The following BOP1 variants were observed in gnomAD, a reference collection of about 807,000 sequenced individuals.
BOP1 encodes ribosome biogenesis protein BOP1.
BOP1 carries 54 observed loss-of-function variants against 82.9 expected under a neutral mutation model. The observed-to-expected ratio is 0.65, with a 90% CI of 0.52 to 0.82. The LOEUF is 0.82. BOP1 is among the 40% of genes least tolerant of loss of function. The pLI, the probability that BOP1 is intolerant of heterozygous loss-of-function variation, is 0.00. For missense variants in BOP1, 1,170 were observed against 1,072.0 expected (o/e 1.09, Z -1.28); for synonymous variants, 566 against 451.1 (o/e 1.25, Z -3.23).
At chr8:144,269,668 G>A (rs1845460138) in intron 3 of BOP1, among the ~76,000 whole-genome samples, 1 of 152,286 alleles carries the variant, frequency 6.6e-6, no homozygotes, top group South Asian at 2.1e-4. Flanking sequence ...AATCCTGCAG[G>A]AGCCCACAGC....
In BOP1 at chr8:144,284,900, A is replaced by T. The variant is rs567253578; in HGVS notation, c.309+4195T>A. Among the ~76,000 whole-genome samples, 20 of 152,328 alleles carry T rather than the reference A, an allele frequency of 1.3e-4. No homozygotes were observed. In the South Asian group the frequency reaches 3.9e-3, roughly 30 times the overall value. On this transcript the variant is annotated intron_variant, in intron 2 of 15. Coordinates refer to ENST00000569669, the MANE Select transcript of BOP1 (RefSeq NM_015201.5). Reference sequence around the variant, plus strand: ...ACGCCCACCCTGGGTCCACCCAGGCAGGTCCGGAGCCCTTGGCAGGTCGCC... The same window carrying T: ...ACGCCCACCCTGGGTCCACCCAGGCTGGTCCGGAGCCCTTGGCAGGTCGCC...
At chr8:144,281,204 T>C (rs1223832951) in intron 2 of BOP1, among the ~76,000 whole-genome samples, 681 of 17,024 alleles carry the variant, frequency 0.04, 305 homozygotes, top group East Asian at 0.084. Context: ...TTTGGCCTTC[T>C]CTCAGTTTAA....
chr8:144,288,720 TG>T (rs559476830), intron 2 of BOP1, among the ~76,000 whole-genome samples: 32 of 152,216 alleles, frequency 2.1e-4, no homozygotes, highest in Admixed American at 1.1e-3. Context: ...TGGGTTCCGT[TG>T]GGGCCCCCAT....
chr8:144,264,898 C>G lies in BOP1; in HGVS notation c.545+19G>C, dbSNP rs1211053112. On this transcript the variant is annotated intron_variant, in intron 4 of 15. Transcript: ENST00000569669. Reference sequence around the variant, plus strand: ...CTCGGGCCCACCCCGGCTGCTGGCCCCACCCCACCAGCCCTCACCAGTAGT... The same window carrying G: ...CTCGGGCCCACCCCGGCTGCTGGCCGCACCCCACCAGCCCTCACCAGTAGT... 2.0e-5 allele frequency: 32 copies of G among 1,610,360 alleles called. No individual in the cohort carries two copies. Among genetic ancestry groups the G allele is most frequent in the Admixed American group, 3.3e-5 (2 of 59,934 alleles).
Position 144,264,306 on chromosome 8 carries a change from G to C in BOP1, c.897C>G (p.His299Gln). 1 of 1,610,806 alleles carries C rather than the reference G, an allele frequency of 6.2e-7. No homozygotes were observed. Among genetic ancestry groups the C allele is most frequent in the South Asian group, 1.1e-5 (1 of 90,958 alleles). ...PNAVLGRHKM[H>Q]VPAPKLALPG... The stretch of plus-strand genomic sequence containing the variant: ...GCAGGGCCAGCTTGGGAGCAGGTAC[G>C]TGCATCTTGTGGCGCCCGAGCACGG... Residue 299 changes from histidine to glutamine, a missense_variant, in exon 7 of 16, where the codon CAC becomes CAG. Coordinates refer to ENST00000569669, the MANE Select transcript of BOP1 (RefSeq NM_015201.5).
chr8:144,262,268 G>A lies in BOP1; in HGVS notation c.2137C>T (p.His713Tyr). Residue 713 changes from histidine (H) to tyrosine (Y), a missense_variant, in exon 16 of 16, where the codon CAC becomes TAC. By Grantham distance (83) the His-to-Tyr change is moderately conservative. Coordinates refer to ENST00000569669, the MANE Select transcript of BOP1 (RefSeq NM_015201.5). ...LLVPVKVLKG[H>Y]VLTRDLGVLD... is the part of the protein sequence containing the mutation. Reference sequence around the variant, plus strand: ...ACTCCCAGATCTCGGGTCAGCACGTGTCCCTTCAGCACCTTGACGGGCACC... The same window carrying A: ...ACTCCCAGATCTCGGGTCAGCACGTATCCCTTCAGCACCTTGACGGGCACC... 2 of 1,612,834 alleles carry A rather than the reference G, an allele frequency of 1.2e-6. No homozygotes were observed. The highest frequency in any genetic ancestry group is 8.5e-7 in the Non-Finnish European group (1 of 1,179,792).
At chr8:144,267,235 C>T in intron 3 of BOP1, 9 of 1,463,716 alleles carry the variant, frequency 6.1e-6, no homozygotes, top group South Asian at 1.4e-5. Flanking sequence ...CCTCAGCCCA[C>T]ACCTGCCAGG....
chr8:144,263,394 A>C lies in BOP1; in HGVS notation c.1432T>G (p.Ser478Ala). 1 of 1,597,672 alleles carries C rather than the reference A, an allele frequency of 6.3e-7. No individual in the cohort carries two copies. Among genetic ancestry groups the C allele is most frequent in the Non-Finnish European group, 8.5e-7 (1 of 1,179,624 alleles). The change falls in exon 12 of 16, where the codon TCG becomes GCG. Residue 478 changes from serine to alanine, a missense_variant. Ser to Ala is a moderately conservative substitution (Grantham distance 99). Transcript: ENST00000569669. ...AGAGCTGGGTTCAGCAGCAGCACCG[A>C]GTCCTCCCTGTGAGCCAGGCCCAGA... Reference protein sequence around the residue: ...VCLVAAAVEDSVLLLNPALGD... With the variant: ...VCLVAAAVEDAVLLLNPALGD...
At chr8:144,288,726 C>T (rs1319682057) in intron 2 of BOP1, among the ~76,000 whole-genome samples, 1 of 152,164 alleles carries the variant, frequency 6.6e-6, no homozygotes, top group East Asian at 1.9e-4. Flanking sequence ...CCGTTGGGGC[C>T]CCCATGCCGC....
Position 144,291,309 on chromosome 8 carries a change from C to T in BOP1, c.62G>A (p.Arg21Gln). 1 of 1,444,050 alleles carries T rather than the reference C, an allele frequency of 6.9e-7. No homozygotes were observed. Among genetic ancestry groups the T allele is most frequent in the Non-Finnish European group, 9.1e-7 (1 of 1,097,968 alleles). The allele number at this position is 1,444,050 out of a possible 1,614,324, so 89.5% of individuals were successfully genotyped here. ...CTCAGGCTCCAGTTCGGGCTCAGAC[C>T]GCCGCTTCTCCGGCCGCACGCTCGG... ...AAPSVRPEKRRSEPELEPEPE... is the reference protein window; with the variant it reads ...AAPSVRPEKRQSEPELEPEPE... Residue 21 changes from arginine (R) to glutamine (Q), a missense_variant, in exon 1 of 16, where the codon CGG (arginine) becomes CAG (glutamine). Physicochemically the swap from Arg to Gln is conservative, Grantham distance 43. Coordinates refer to ENST00000569669, the MANE Select transcript of BOP1 (RefSeq NM_015201.5). The surrounding 1 kb of genome is among the most constrained non-coding windows in gnomAD (Gnocchi z 4.1).
Position 144,262,242 on chromosome 8 carries a change from C to A in BOP1, c.2163G>T (p.Val721=). ...GGGTGGGGTGGAAGATGACGTCCAG[C>A]ACTCCCAGATCTCGGGTCAGCACGT... ...KGHVLTRDLG[V]LDVIFHPTQP... Residue 721 remains valine, a synonymous_variant, in exon 16 of 16, where the codon GTG becomes GTT. Transcript: ENST00000569669. 6.2e-7 allele frequency: 1 copy of A among 1,612,714 alleles called. No individual in the cohort carries two copies. Among genetic ancestry groups the A allele is most frequent in the Non-Finnish European group, 8.5e-7 (1 of 1,179,786 alleles).
At chr8:144,282,383 G>A (rs1845699286) in intron 2 of BOP1, among the ~76,000 whole-genome samples, 1 of 152,194 alleles carries the variant, frequency 6.6e-6, no homozygotes, top group Admixed American at 6.5e-5. Flanking sequence ...GTCATCAGGT[G>A]GCACAGAACG....
At chr8:144,283,845 C>A (rs1005059784) in intron 2 of BOP1, among the ~76,000 whole-genome samples, 1 of 151,818 alleles carries the variant, frequency 6.6e-6, no homozygotes, top group African/African-American at 2.4e-5. Flanking sequence ...TGGCCAGGTG[C>A]GGCGGCTCAC....
intron 3 of BOP1, among the ~76,000 whole-genome samples, chr8:144,275,982 A>G (rs1588599145): frequency 6.6e-6 from 1 of 151,992 alleles, no homozygotes; most frequent in African/African-American, 2.4e-5. Context: ...AGCCACACCC[A>G]GGTCCTTCCC....
At chr8:144,277,190 C>T (rs4074679) in intron 2 of BOP1, among the ~76,000 whole-genome samples, 3 of 150,376 alleles carry the variant, frequency 2.0e-5, no homozygotes, top group Non-Finnish European at 4.4e-5. Context: ...CTCTTCTCTC[C>T]GGCCCGGGCT....
intron 3 of BOP1, among the ~76,000 whole-genome samples, chr8:144,273,405 TCGTGGGGGA>T (rs1290189644): frequency 6.8e-6 from 1 of 148,088 alleles, no homozygotes; most frequent in East Asian, 2.0e-4. Flanking sequence ...AGTGGAGGCC[TCGTGGGGGA>T]CGGCCCCAGG....
rs1428845795 is a variant in BOP1, at chr8:144,281,376, C to T, written c.310-5072G>A. ...TTCCCTCAGTTTAATACCAGGTCTT[C>T]GGCCTTCCCTCAGTTTAATACCAGG... is the stretch of plus-strand genomic sequence containing the variant. On this transcript the variant is annotated intron_variant, in intron 2 of 15. Transcript: ENST00000569669. 1.3e-3 allele frequency among the ~76,000 whole-genome samples: 3 copies of T among 2,380 alleles called. 1 individual carries two copies. The highest frequency in any genetic ancestry group is 0.037 in the Non-Finnish European group (2 of 54). The allele number at this position is 2,380 out of a possible 152,430, so 1.6% of individuals were successfully genotyped here. A position where few individuals can be genotyped will look rare whatever the true frequency, so the allele number is the denominator to read the frequency against.
chr8:144,267,303 T>G, intron 3 of BOP1: 1 of 1,193,672 alleles, frequency 8.4e-7, no homozygotes, highest in East Asian at 3.3e-5. Flanking sequence ...CAGGCACACC[T>G]GTAACACAGG....
chr8:144,266,909 G>A, intron 3 of BOP1: 3 of 1,544,654 alleles, frequency 1.9e-6, no homozygotes, highest in African/African-American at 1.4e-5. Context: ...ACGGCGCTGC[G>A]CACGCTGATC....
Sources: allele counts gnomAD v4.1 joint callset (sites outside exome capture counted in the v4.1 genomes callset), GRCh38; gene constraint gnomAD v4.1.1; non-coding constraint Gnocchi (gnomAD v3.1); transcripts MANE v1.5; gene names NCBI Gene and HGNC (gene_info 2026-07-23, HGNC 2026-07-21).